TET3: variants seen among roughly 807,000 people sequenced by gnomAD.
TET3 encodes tet methylcytosine dioxygenase 3.
In TET3, 19 loss-of-function variants were observed where a neutral mutation model predicts 141.4. The observed-to-expected ratio is 0.13, with a 90% CI of 0.09 to 0.20. TET3 has a LOEUF of 0.20. Among genes scored for constraint, TET3 ranks in the 10% least tolerant of loss-of-function variants. The probability of loss-of-function intolerance (pLI) is 1.00; values close to 1 mark genes in which losing one functional copy is unlikely to be tolerated. For missense variants in TET3, 1,874 were observed against 2,356.9 expected (o/e 0.80, Z 4.24); for synonymous variants, 1,043 against 980.9 (o/e 1.06, Z -1.18).
chr2:73,991,341 TG>T (rs1269950494), intron 2 of TET3, among the ~76,000 whole-genome samples: 1 of 151,766 alleles, frequency 6.6e-6, no homozygotes, highest in Non-Finnish European at 1.5e-5. Context: ...CCCAGCACTT[TG>T]GGAGACCAAG....
chr2:74,065,409 G>A (rs1316499916), intron 4 of TET3, among the ~76,000 whole-genome samples: 1 of 152,096 alleles, frequency 6.6e-6, no homozygotes, highest in East Asian at 1.9e-4. Context: ...CAGCTCCTGT[G>A]GTCTTTGGAC....
the TET3 span, among the ~76,000 whole-genome samples, chr2:74,132,696 TTAAAA>T: frequency 6.6e-6 from 1 of 152,102 alleles, no homozygotes; most frequent in African/African-American, 2.4e-5. Flanking sequence ...GAACTGGACA[TTAAAA>T]TATATAAATT....
At chr2:74,029,838 G>A (rs368278152) in intron 3 of TET3, among the ~76,000 whole-genome samples, 2 of 152,142 alleles carry the variant, frequency 1.3e-5, no homozygotes, top group East Asian at 3.8e-4. Context: ...TTGATATCCT[G>A]TCAGTAACTA....
At chr2:74,006,740 A>G (rs988441047) in intron 3 of TET3, among the ~76,000 whole-genome samples, 78 of 152,194 alleles carry the variant, frequency 5.1e-4, no homozygotes, top group Non-Finnish European at 1.0e-3. Flanking sequence ...GGGTCTCACA[A>G]TCCTCTTAAG....
the TET3 span, among the ~76,000 whole-genome samples, chr2:74,127,510 A>C: frequency 1.1e-4 from 17 of 152,198 alleles, no homozygotes; most frequent in African/African-American, 4.1e-4. Context: ...TACCAGCTTT[A>C]GGCATTTAAC....
rs1334206486 is a variant in TET3 at position 74,049,069 on chromosome 2, G to A, written c.2494+658G>A. 7.9e-5 allele frequency among the ~76,000 whole-genome samples: 12 copies of A among 152,302 alleles called. No individual in the cohort carries two copies. In the South Asian group the frequency reaches 1.9e-3, roughly 24 times the overall value. ...ACTGAGGAGACATAGCTGTAAGAAA[G>A]GTGTTGTCATGAGCCAGGCAAGAAA... On this transcript the variant is annotated intron_variant, in intron 4 of 11. Transcript: ENST00000409262.
chr2:74,118,039 C>T, the TET3 span, among the ~76,000 whole-genome samples: 7 of 152,162 alleles, frequency 4.6e-5, no homozygotes, highest in Admixed American at 3.9e-4. Flanking sequence ...CCACTGCACC[C>T]GACCCACAAA....
chr2:74,078,019 A>G (rs1308297757), intron 5 of TET3, among the ~76,000 whole-genome samples: 3 of 152,230 alleles, frequency 2.0e-5, no homozygotes, highest in Non-Finnish European at 4.4e-5. Context: ...CTGTCTCCAA[A>G]TGCTTTCTGT....
chr2:74,083,346 G>T (rs888708545), intron 6 of TET3, among the ~76,000 whole-genome samples: 1 of 152,214 alleles, frequency 6.6e-6, no homozygotes, highest in Non-Finnish European at 1.5e-5. Context: ...GTGTGTAAAG[G>T]TCACAGAGAT....
the TET3 span, among the ~76,000 whole-genome samples, chr2:74,117,155 T>C: frequency 0.23 from 35,502 of 151,996 alleles, 4,548 homozygotes; most frequent in East Asian, 0.37. Context: ...TTTTGAATTG[T>C]AACCTCCACC....
At chr2:74,042,801 C>T (rs994263828) in intron 3 of TET3, among the ~76,000 whole-genome samples, 1 of 152,226 alleles carries the variant, frequency 6.6e-6, no homozygotes, top group East Asian at 1.9e-4. Context: ...TCCAGCATTA[C>T]TGACAGGTGT....
chr2:74,085,372 C>T (rs984274603), intron 6 of TET3, among the ~76,000 whole-genome samples: 20 of 152,182 alleles, frequency 1.3e-4, no homozygotes, highest in Non-Finnish European at 1.9e-4. Flanking sequence ...GTCTTGCATC[C>T]GGCCCACCTT....
In TET3 at chr2:74,101,621, G is replaced by A. The variant is rs1220053671; in HGVS notation, c.4833G>A (p.Gly1611=). ...GGGACCCCTTCAGCCTGGAGGAGGGGCCGGCTGAGGAGCCCCCCAGCAAGG... is the reference window on the plus strand; with the variant it reads ...GGGACCCCTTCAGCCTGGAGGAGGGACCGGCTGAGGAGCCCCCCAGCAAGG... ...KLWDPFSLEE[G]PAEEPPSKGA... is the part of the protein sequence containing the mutation. Residue 1611 remains glycine, a synonymous_variant, in exon 12 of 12, where the codon GGG becomes GGA. Coordinates refer to ENST00000409262, the MANE Select transcript of TET3 (RefSeq NM_001287491.2). This position sits in a 1 kb window ranked among gnomAD's most constrained non-coding sequence, Gnocchi z 8.5. 3 of 1,612,804 alleles carry A rather than the reference G, an allele frequency of 1.9e-6. No homozygotes were observed. The Admixed American group carries it at 5.0e-5, about 27-fold the overall frequency.
At chr2:74,015,041 C>T (rs984471945) in intron 3 of TET3, among the ~76,000 whole-genome samples, 1 of 152,182 alleles carries the variant, frequency 6.6e-6, no homozygotes, top group African/African-American at 2.4e-5. Flanking sequence ...GGTCCAGCAG[C>T]GCCTAGTGCA....
rs1573741601 is a variant in TET3, at chr2:74,032,547, C to T, written c.361-13731C>T. Among the ~76,000 whole-genome samples the T allele has an allele frequency of 3.9e-5, 5 of 128,644 alleles. 2 individuals are homozygous for T. The highest frequency in any genetic ancestry group is 3.8e-4 in the Admixed American group (5 of 12,988). 84.4% of individuals were successfully genotyped at this position (128,644 alleles called of 152,430 possible). A position where few individuals can be genotyped will look rare whatever the true frequency, so the allele number is the denominator to read the frequency against. On this transcript the variant is annotated intron_variant, in intron 3 of 11. Coordinates refer to ENST00000409262, the MANE Select transcript of TET3 (RefSeq NM_001287491.2). ...GCCCTTGCTGGGTCTGGCTGAGGAG[C>T]TGCCTCCGCGTCATGACCTGGTTCT... is the stretch of plus-strand genomic sequence containing the variant.
At chr2:74,066,832 C>A (rs960996411) in intron 4 of TET3, among the ~76,000 whole-genome samples, 4 of 152,078 alleles carry the variant, frequency 2.6e-5, no homozygotes, top group Admixed American at 6.5e-5. Flanking sequence ...CTTTCTCTGT[C>A]CTTAACCGTG....
At chr2:73,994,853 T>TC (rs1205423314) in intron 2 of TET3, among the ~76,000 whole-genome samples, 1 of 152,060 alleles carries the variant, frequency 6.6e-6, no homozygotes, top group Non-Finnish European at 1.5e-5. Flanking sequence ...GCCAGGCTGG[T>TC]CTCGAACTCC....
At chr2:74,086,367 A>G (rs1240196803) in intron 6 of TET3, among the ~76,000 whole-genome samples, 2 of 151,910 alleles carry the variant, frequency 1.3e-5, no homozygotes, top group Non-Finnish European at 2.9e-5. Flanking sequence ...GTGGATGCCC[A>G]GGGCTCTCGC....
chr2:73,987,038 G>A (rs758941527), intron 2 of TET3, among the ~76,000 whole-genome samples: 2 of 152,190 alleles, frequency 1.3e-5, no homozygotes, highest in African/African-American at 2.4e-5. Context: ...TCATGCTAAT[G>A]CTTGGATGAC....
Sources: gnomAD v4.1 joint callset for allele counts (sites outside exome capture counted in the v4.1 genomes callset) on GRCh38, gnomAD v4.1.1 for gene constraint, Gnocchi (gnomAD v3.1) non-coding constraint, MANE v1.5 for transcripts, NCBI Gene and HGNC (gene_info 2026-07-23, HGNC 2026-07-21) for gene names.